NPAS3: variants seen among roughly 807,000 people sequenced by gnomAD.
NPAS3 encodes the protein neuronal PAS domain protein 3, also known as neuronal PAS domain-containing protein 3.
In NPAS3, 14 loss-of-function variants were observed where a neutral mutation model predicts 73.1. That is an observed-to-expected ratio of 0.19 (90% confidence interval 0.13 to 0.30). NPAS3 has a LOEUF of 0.30. Ranked by LOEUF, NPAS3 falls within the 10% of genes least tolerant of loss-of-function variation. The probability of loss-of-function intolerance (pLI) is 1.00; values close to 1 mark genes in which losing one functional copy is unlikely to be tolerated. For missense variants in NPAS3, 1,096 were observed against 1,250.0 expected (o/e 0.88, Z 1.86); for synonymous variants, 620 against 541.5 (o/e 1.14, Z -2.01).
intron 1 of NPAS3, among the ~76,000 whole-genome samples, chr14:32,973,245 C>G (rs1387813336): frequency 7.2e-5 from 11 of 152,052 alleles, no homozygotes; most frequent in Admixed American, 7.2e-4. Flanking sequence ...AACACCAAGC[C>G]CAAACAAGGA....
chr14:33,372,114 G>A (rs2046116046), intron 4 of NPAS3, among the ~76,000 whole-genome samples: 1 of 152,102 alleles, frequency 6.6e-6, no homozygotes, highest in Non-Finnish European at 1.5e-5. Flanking sequence ...AATTGAATTT[G>A]GAAACTAAAG....
At chr14:33,449,779 A>C (rs917900612) in intron 4 of NPAS3, among the ~76,000 whole-genome samples, 6 of 152,204 alleles carry the variant, frequency 3.9e-5, no homozygotes, top group Non-Finnish European at 8.8e-5. Context: ...GCTCTGTCTT[A>C]ATCTTCCTAA....
At chr14:33,371,287 T>C (rs753932252) in intron 4 of NPAS3, among the ~76,000 whole-genome samples, 4 of 152,086 alleles carry the variant, frequency 2.6e-5, no homozygotes, top group Non-Finnish European at 5.9e-5. Context: ...AAGTGTAGAA[T>C]ACAGACCTAA....
chr14:33,647,555 C>G (rs2058869699), intron 5 of NPAS3, among the ~76,000 whole-genome samples: 1 of 152,018 alleles, frequency 6.6e-6, no homozygotes, highest in African/African-American at 2.4e-5. Flanking sequence ...TCATTAACAC[C>G]AATTGTTTCA....
At chr14:33,249,929 C>T (rs2048522284) in intron 3 of NPAS3, among the ~76,000 whole-genome samples, 2 of 151,870 alleles carry the variant, frequency 1.3e-5, no homozygotes, top group Non-Finnish European at 2.9e-5. Flanking sequence ...CACACACACA[C>T]ACACACACCC....
intron 4 of NPAS3, among the ~76,000 whole-genome samples, chr14:33,451,895 C>A (rs529829805): frequency 6.6e-6 from 1 of 152,292 alleles, no homozygotes; most frequent in East Asian, 1.9e-4. Context: ...AGTATCCATA[C>A]AAGTATCATT....
intron 5 of NPAS3, among the ~76,000 whole-genome samples, chr14:33,612,760 G>A (rs1346676055): frequency 6.6e-6 from 1 of 152,146 alleles, no homozygotes; most frequent in African/African-American, 2.4e-5. Flanking sequence ...CCGTAAACTG[G>A]TGATTTGGAG....
chr14:33,608,077 T>C (rs2057634370), intron 5 of NPAS3, among the ~76,000 whole-genome samples: 1 of 152,176 alleles, frequency 6.6e-6, no homozygotes, highest in South Asian at 2.1e-4. Context: ...ATCAGAGCAT[T>C]TAATGGTTAA....
chr14:32,977,312 A>G (rs954008358), intron 1 of NPAS3, among the ~76,000 whole-genome samples: 1 of 142,196 alleles, frequency 7.0e-6, no homozygotes, highest in Non-Finnish European at 1.5e-5. Context: ...GTATTTCTGG[A>G]CATAAGGCCG....
At chr14:33,088,999 G>A (rs1170813532) in intron 2 of NPAS3, among the ~76,000 whole-genome samples, 1 of 124,792 alleles carries the variant, frequency 8.0e-6, no homozygotes, top group East Asian at 2.4e-4. Context: ...AAACAGAAAG[G>A]ACATCCACAC....
At chr14:33,133,124 A>C (rs1419127689) in intron 2 of NPAS3, among the ~76,000 whole-genome samples, 1 of 152,182 alleles carries the variant, frequency 6.6e-6, no homozygotes, top group Non-Finnish European at 1.5e-5. Context: ...TAACACAAAA[A>C]TTCCCACTCC....
At chr14:33,011,242 A>G (rs1407641806) in intron 1 of NPAS3, among the ~76,000 whole-genome samples, 1 of 152,208 alleles carries the variant, frequency 6.6e-6, no homozygotes, top group South Asian at 2.1e-4. Context: ...TTATTTGACA[A>G]TAATTTGTAT....
Position 33,166,022 on chromosome 14 carries a change from C to T in NPAS3, c.141-49160C>T, listed in dbSNP as rs182181259. Among the ~76,000 whole-genome samples the T allele has an allele frequency of 1.6e-4, 25 of 152,258 alleles. No homozygotes were observed. The East Asian group carries it at 1.9e-3, about 12-fold the overall frequency. ...ATGGTTAAAGTTGCTAGGTACCAGC[C>T]CCATGAGGATAGTCTGTGGTCTCCC... On this transcript the variant is annotated intron_variant, in intron 2 of 11. Coordinates refer to ENST00000356141, the Ensembl canonical transcript of NPAS3.
intron 3 of NPAS3, among the ~76,000 whole-genome samples, chr14:33,257,088 G>A (rs995556132): frequency 1.3e-5 from 2 of 152,080 alleles, no homozygotes; most frequent in South Asian, 2.1e-4. Flanking sequence ...CCCACTGGGC[G>A]CCACTCCCAG....
At chr14:33,405,351 G>A (rs1594847620) in intron 4 of NPAS3, among the ~76,000 whole-genome samples, 1 of 152,196 alleles carries the variant, frequency 6.6e-6, no homozygotes, top group South Asian at 2.1e-4. Context: ...AAGCAGTGAT[G>A]CAATTTATGA....
intron 5 of NPAS3, among the ~76,000 whole-genome samples, chr14:33,565,257 T>A (rs2055870030): frequency 6.6e-6 from 1 of 152,232 alleles, no homozygotes; most frequent in African/African-American, 2.4e-5. Context: ...TATTTTAGAT[T>A]TCTCTGCATT....
chr14:33,447,443 G>A (rs2049569247), intron 4 of NPAS3, among the ~76,000 whole-genome samples: 1 of 152,160 alleles, frequency 6.6e-6, no homozygotes. Flanking sequence ...AACATGAAAT[G>A]ATATTGGACC....
At chr14:33,581,186 A>G (rs1027415900) in intron 5 of NPAS3, among the ~76,000 whole-genome samples, 4 of 152,214 alleles carry the variant, frequency 2.6e-5, no homozygotes, top group Non-Finnish European at 4.4e-5. Context: ...GTCAGAATAA[A>G]GAAAAATGTG....
intron 1 of NPAS3, among the ~76,000 whole-genome samples, chr14:32,988,183 C>T (rs879375715): frequency 9.9e-5 from 15 of 152,044 alleles, no homozygotes; most frequent in Admixed American, 2.6e-4. Context: ...CTGAGTATGG[C>T]AATTCTCCAT....
Sources: allele counts gnomAD v4.1 joint callset (sites outside exome capture counted in the v4.1 genomes callset), GRCh38; gene constraint gnomAD v4.1.1; transcripts MANE v1.5; gene names NCBI Gene and HGNC (gene_info 2026-07-23, HGNC 2026-07-21).